PACRGL: variants seen among roughly 807,000 people sequenced by gnomAD.
PACRGL encodes parkin coregulated like.
A neutral mutation model predicts 34.5 loss-of-function variants in PACRGL; 38 were observed. The ratio of observed to expected loss-of-function variants is 1.10; its 90% confidence interval spans 0.85 to 1.44. The LOEUF (loss-of-function observed/expected upper bound fraction) is 1.44, where lower values mean the gene tolerates loss of function less well. Among genes scored for constraint, PACRGL ranks in the 40% most tolerant of loss-of-function variants. The pLI is 0.00. For missense variants in PACRGL, 305 were observed against 281.4 expected, an observed-to-expected ratio of 1.08 and a Z score of -0.60; for synonymous variants, 128 against 100.1, an observed-to-expected ratio of 1.28 and a Z score of -1.66.
intron 7 of PACRGL, among the ~76,000 whole-genome samples, chr4:20,723,937 G>A (rs569597384): frequency 4.6e-5 from 7 of 152,156 alleles, no homozygotes; most frequent in South Asian, 2.1e-4. Context: ...GATCCCCTTC[G>A]TCCCTCACCC....
At chr4:20,704,563 G>T in intron 2 of PACRGL, 30 bp downstream of exon 2, 1 of 1,613,598 alleles carries the variant, frequency 6.2e-7, no homozygotes, top group African/African-American at 1.3e-5. Flanking sequence ...AAGTGAAGAG[G>T]TCAAGTTTGT....
At chr4:20,725,345 A>C (rs1025421915) in intron 8 of PACRGL, among the ~76,000 whole-genome samples, 4 of 126,466 alleles carry the variant, frequency 3.2e-5, no homozygotes, top group Non-Finnish European at 5.0e-5. Flanking sequence ...GCATACCCCC[A>C]TAGGTGTACA....
intron 1 of PACRGL, among the ~76,000 whole-genome samples, chr4:20,701,091 C>G (rs1479804554): frequency 1.3e-5 from 2 of 152,158 alleles, no homozygotes; most frequent in East Asian, 3.9e-4. Flanking sequence ...AACATGGTTT[C>G]TTTAGTGGGG....
downstream of PACRGL, among the ~76,000 whole-genome samples, chr4:20,754,448 G>A (rs1321905848): frequency 6.6e-6 from 1 of 152,152 alleles, no homozygotes; most frequent in African/African-American, 2.4e-5. Context: ...CTCCGTGGAA[G>A]TGTAAGGATG....
intron 8 of PACRGL, chr4:20,749,679 C>T: frequency 6.2e-7 from 1 of 1,607,026 alleles, no homozygotes; most frequent in Non-Finnish European, 8.5e-7. Flanking sequence ...CTCACAGCTC[C>T]ATTGTGGTCT....
At position 20,727,379 on chromosome 4, in the gene PACRGL, G is replaced by T; in HGVS notation, c.*38G>T. 1 of 1,515,150 alleles carries T rather than the reference G, an allele frequency of 6.6e-7. No individual in the cohort carries two copies. The highest frequency in any genetic ancestry group is 9.2e-7 in the Non-Finnish European group (1 of 1,090,756). 93.9% of individuals were successfully genotyped at this position (1,515,150 alleles called of 1,614,324 possible). A position where few individuals can be genotyped will look rare whatever the true frequency, so the allele number is the denominator to read the frequency against. On this transcript the variant is annotated 3_prime_UTR_variant, in exon 9 of 9. Coordinates refer to ENST00000503585, the MANE Select transcript of PACRGL (RefSeq NM_001258345.3). ...ACAAAAATTGTTTTTTCTACCTGTTGACGTGTCAAGCACTAACTGTGGGTA... is the reference window on the plus strand; with the variant it reads ...ACAAAAATTGTTTTTTCTACCTGTTTACGTGTCAAGCACTAACTGTGGGTA...
At position 20,724,914 on chromosome 4, in the gene PACRGL, C is replaced by CTTT. The variant is rs10654905; in HGVS notation, c.690+33_690+35dup. 1.4e-3 allele frequency: 1,668 copies of CTTT among 1,221,594 alleles called. 3 individuals are homozygous for CTTT. The East Asian group carries it at 0.017, about 12-fold the overall frequency. 75.7% of individuals were successfully genotyped at this position (1,221,594 alleles called of 1,614,324 possible). A position where few individuals can be genotyped will look rare whatever the true frequency, so the allele number is the denominator to read the frequency against. ...GTAAGTAGAATATTATTCCTTAAGT[C>CTTT]TTTTTTTTTAACTTTTAGGTGTATT... On this transcript the variant is annotated intron_variant, in intron 8 of 8. Coordinates refer to ENST00000503585, the MANE Select transcript of PACRGL (RefSeq NM_001258345.3).
At chr4:20,755,220 A>G (rs917608271), downstream of PACRGL, among the ~76,000 whole-genome samples, 2 of 152,190 alleles carry the variant, frequency 1.3e-5, no homozygotes, top group African/African-American at 4.8e-5. Flanking sequence ...TTAGAATTCT[A>G]ATTTAATTCT....
chr4:20,725,764 A>G (rs1456620495), intron 8 of PACRGL, among the ~76,000 whole-genome samples: 1 of 151,912 alleles, frequency 6.6e-6, no homozygotes, highest in Non-Finnish European at 1.5e-5. Flanking sequence ...TGTTTGATTG[A>G]TTATATTCTT....
At chr4:20,724,912 G>GTA in intron 8 of PACRGL, 24 bp downstream of exon 8, 3 of 1,255,136 alleles carry the variant, frequency 2.4e-6, no homozygotes, top group African/African-American at 2.1e-5. Context: ...TATTCCTTAA[G>GTA]TCTTTTTTTT....
chr4:20,736,607 A>G (rs1578436438), downstream of PACRGL, among the ~76,000 whole-genome samples: 1 of 152,166 alleles, frequency 6.6e-6, no homozygotes, highest in East Asian at 1.9e-4. Context: ...GGCCTAATAT[A>G]TATAGAACAG....
rs897818860 is a variant in PACRGL at position 20,713,501 on chromosome 4, C to G, written c.571C>G (p.Pro191Ala). ...AGTTCAGCTAAGTGTCGTTGTTGGTCCTTCTCTAAACGACCATCTGAAGCA... is the reference window on the plus strand; with the variant it reads ...AGTTCAGCTAAGTGTCGTTGTTGGTGCTTCTCTAAACGACCATCTGAAGCA... ...ALVQLSVVVGPSLNDHLKHLL... is the reference protein window; with the variant it reads ...ALVQLSVVVGASLNDHLKHLL... Residue 191 changes from proline (P) to alanine (A), a missense_variant, in exon 7 of 9, where the codon CCT (proline) becomes GCT (alanine). By Grantham distance (27) the Pro-to-Ala change is conservative. Coordinates refer to ENST00000503585, the MANE Select transcript of PACRGL (RefSeq NM_001258345.3). 4 of 1,613,542 alleles carry G rather than the reference C, an allele frequency of 2.5e-6. No individual in the cohort carries two copies. Among genetic ancestry groups the G allele is most frequent in the East Asian group, 4.5e-5 (2 of 44,846 alleles).
chr4:20,709,726 C>T lies in PACRGL; in HGVS notation c.319C>T (p.Pro107Ser), dbSNP rs146026643. The T allele has an allele frequency of 5.0e-3, 8,032 of 1,609,944 alleles. 37 individuals carry two copies. Among genetic ancestry groups the T allele is most frequent in the Non-Finnish European group, 4.7e-3 (5,566 of 1,176,902 alleles). Residue 107 changes from proline to serine, a missense_variant, in exon 5 of 9, where the codon CCT (proline) becomes TCT (serine). Physicochemically the swap from Pro to Ser is moderately conservative, Grantham distance 74. Transcript: ENST00000503585. ...AAAACACAGATTACAGTGGGAATGT[C>T]CTCCTGAAAGTCTTTCATTTGATCC... The part of the protein sequence containing the change: ...SVKHRLQWEC[P>S]PESLSFDPLL...
At chr4:20,726,674 A>G (rs1183173480) in intron 8 of PACRGL, among the ~76,000 whole-genome samples, 2 of 151,470 alleles carry the variant, frequency 1.3e-5, no homozygotes, top group African/African-American at 2.5e-5. Flanking sequence ...GGACTTGTGT[A>G]TATCAATGAT....
At chr4:20,715,647 GC>G (rs1245172772) in intron 7 of PACRGL, among the ~76,000 whole-genome samples, 2 of 151,958 alleles carry the variant, frequency 1.3e-5, no homozygotes, top group African/African-American at 4.8e-5. Context: ...TGGGTGGATT[GC>G]CTGAGCTCAG....
the PACRGL span, among the ~76,000 whole-genome samples, chr4:20,764,253 T>C: frequency 6.6e-6 from 1 of 152,206 alleles, no homozygotes; most frequent in African/African-American, 2.4e-5. Context: ...ATTGGTCATT[T>C]ATATAAGCAT....
intron 6 of PACRGL, 85 bp downstream of exon 6, chr4:20,713,007 TTTCCC>T: frequency 2.3e-6 from 3 of 1,306,434 alleles, no homozygotes; most frequent in Non-Finnish European, 2.0e-6. Flanking sequence ...TGTATGCCTT[TTTCCC>T]TCCATATTAT....
chr4:20,721,186 A>C lies in PACRGL; in HGVS notation c.610-3622A>C, dbSNP rs528144370. On this transcript the variant is annotated intron_variant, in intron 7 of 8. Coordinates refer to ENST00000503585, the MANE Select transcript of PACRGL (RefSeq NM_001258345.3). The stretch of plus-strand genomic sequence containing the variant: ...GGTGTTCAGCTCCATCAGGTCATTT[A>C]AGGTCCTCTCTACACTGGTTATTCT... Among the ~76,000 whole-genome samples the C allele has an allele frequency of 2.6e-5, 4 of 152,236 alleles. No homozygotes were observed. In the East Asian group the frequency reaches 7.7e-4, roughly 29 times the overall value.
rs576782971 is a variant in PACRGL, at chr4:20,727,245, T to C, written c.691-40T>C. ...AATATAATACCTATTAGGGGAACTC[T>C]GCATGATACTAATGATGCTCAATTT... On this transcript the variant is annotated intron_variant, in intron 8 of 8. Transcript: ENST00000503585. The C allele has an allele frequency of 3.2e-6, 5 of 1,542,536 alleles. No individual in the cohort carries two copies. In the Admixed American group the frequency reaches 5.0e-5, roughly 15 times the overall value.
Sources: allele counts gnomAD v4.1 joint callset (sites outside exome capture counted in the v4.1 genomes callset), GRCh38; gene constraint gnomAD v4.1.1; transcripts MANE v1.5; gene names NCBI Gene and HGNC (gene_info 2026-07-23, HGNC 2026-07-21).